The following CNGB3 variants were observed in gnomAD, a reference collection of about 807,000 sequenced individuals.
CNGB3 encodes cyclic nucleotide gated channel subunit beta 3, also known as cyclic nucleotide-gated channel beta-3.
CNGB3 carries 86 observed loss-of-function variants against 92.8 expected under a neutral mutation model. The observed-to-expected ratio is 0.93, with a 90% CI of 0.78 to 1.11. CNGB3 has a LOEUF of 1.11. CNGB3 is among the 50% of genes least tolerant of loss of function. The probability of loss-of-function intolerance (pLI) is 0.00; values close to 1 mark genes in which losing one functional copy is unlikely to be tolerated. For missense variants in CNGB3, 1,026 were observed against 956.8 expected (o/e 1.07, Z -0.95); for synonymous variants, 333 against 332.7 (o/e 1.00, Z -0.01).
At chr8:86,708,563 A>AT (rs10714055) in intron 3 of CNGB3, among the ~76,000 whole-genome samples, 952 of 85,890 alleles carry the variant, frequency 0.011, 22 homozygotes, top group Non-Finnish European at 0.016. Flanking sequence ...TCTTTTCTTA[A>AT]TTTTTTTTTT....
At chr8:86,696,765 C>T (rs993296268) in intron 3 of CNGB3, among the ~76,000 whole-genome samples, 1 of 152,152 alleles carries the variant, frequency 6.6e-6, no homozygotes, top group Admixed American at 6.6e-5. Context: ...TTTTTAATGG[C>T]ATGGCATATC....
chr8:86,681,100 T>C (rs1240103872), intron 3 of CNGB3, among the ~76,000 whole-genome samples: 1 of 152,086 alleles, frequency 6.6e-6, no homozygotes, highest in Non-Finnish European at 1.5e-5. Flanking sequence ...AAATCACTAC[T>C]ATGAGAAGCA....
At chr8:86,657,718 G>A (rs376252795) in intron 6 of CNGB3, 30 of 471,624 alleles carry the variant, frequency 6.4e-5, no homozygotes, top group East Asian at 2.9e-4. Context: ...CCCACAAGCC[G>A]CAACACCAGC....
In CNGB3 at chr8:86,668,164, C is replaced by A. The variant is rs1563747899; in HGVS notation, c.498G>T (p.Lys166Asn). ...CTTTTACTGGTGGTACAGCCGTGGGCTTTGCTTCATAGGGAAAAAAAAAAA... is the reference window on the plus strand; with the variant it reads ...CTTTTACTGGTGGTACAGCCGTGGGATTTGCTTCATAGGGAAAAAAAAAAA... ...SSPEASPQTA[K>N]PTAVPPVKES... The change falls in exon 5 of 18, where the codon AAG (lysine) becomes AAT (asparagine). Residue 166 changes from lysine (K) to asparagine (N), a missense_variant. Transcript: ENST00000320005. 6.2e-7 allele frequency: 1 copy of A among 1,608,764 alleles called. No homozygotes were observed. Among genetic ancestry groups the A allele is most frequent in the East Asian group, 2.2e-5 (1 of 44,490 alleles).
intron 3 of CNGB3, among the ~76,000 whole-genome samples, chr8:86,682,376 A>AATGTTC (rs1183448386): frequency 1.3e-5 from 2 of 152,182 alleles, no homozygotes; most frequent in African/African-American, 4.8e-5. Flanking sequence ...GGGGTGGATG[A>AATGTTC]ATATCTTGGC....
chr8:86,741,774 C>A (rs558892370), intron 1 of CNGB3, among the ~76,000 whole-genome samples: 2 of 152,240 alleles, frequency 1.3e-5, no homozygotes, highest in African/African-American at 4.8e-5. Context: ...GGGTGCTCTA[C>A]CTGTGCCTAA....
chr8:86,702,767 G>A (rs1032720231), intron 3 of CNGB3, among the ~76,000 whole-genome samples: 1 of 151,634 alleles, frequency 6.6e-6, no homozygotes, highest in Non-Finnish European at 1.5e-5. Context: ...GTGAATTTTT[G>A]GTTTTGGAGT....
intron 3 of CNGB3, among the ~76,000 whole-genome samples, chr8:86,696,453 C>G (rs552377241): frequency 7.9e-5 from 12 of 152,280 alleles, no homozygotes; most frequent in African/African-American, 2.9e-4. Context: ...TTTTTGGCAT[C>G]TGCAGTGACA....
chr8:86,694,679 C>T (rs976842191), intron 3 of CNGB3, among the ~76,000 whole-genome samples: 3 of 151,020 alleles, frequency 2.0e-5, no homozygotes. Context: ...GGGGTAGAGG[C>T]GCTCCCCACA....
chr8:86,593,817 C>G (rs1442878587), intron 15 of CNGB3: 2 of 1,232,438 alleles, frequency 1.6e-6, no homozygotes, highest in Non-Finnish European at 2.3e-6. Flanking sequence ...TTGTCCACAT[C>G]TGTCAGGTCA....
At chr8:86,681,470 G>A (rs1301527852) in intron 3 of CNGB3, among the ~76,000 whole-genome samples, 2 of 152,078 alleles carry the variant, frequency 1.3e-5, no homozygotes, top group African/African-American at 4.8e-5. Context: ...AAAAGCATAT[G>A]GAGAATAGAT....
chr8:86,722,305 T>A (rs1378799220), intron 3 of CNGB3, among the ~76,000 whole-genome samples: 5 of 152,158 alleles, frequency 3.3e-5, no homozygotes, highest in Non-Finnish European at 5.9e-5. Context: ...AAGGCTGGAC[T>A]GAGATAAAGT....
chr8:86,664,562 T>G (rs906268570), intron 6 of CNGB3, among the ~76,000 whole-genome samples: 1 of 152,222 alleles, frequency 6.6e-6, no homozygotes, highest in Non-Finnish European at 1.5e-5. Flanking sequence ...CTTGGGTTTG[T>G]GCTTGTGAAA....
At chr8:86,715,901 A>G (rs554623430) in intron 3 of CNGB3, among the ~76,000 whole-genome samples, 2 of 151,658 alleles carry the variant, frequency 1.3e-5, no homozygotes, top group East Asian at 3.9e-4. Flanking sequence ...GGTGCAGCAC[A>G]CCAGCATGGC....
In CNGB3 at chr8:86,644,687, C is replaced by T; in HGVS notation, c.991-1G>A. Reference sequence around the variant, plus strand: ...GATTAAATTCAAAAAATGAAGTGTACTATATAGAAAAGCAAAAGAAATCCA... The same window carrying T: ...GATTAAATTCAAAAAATGAAGTGTATTATATAGAAAAGCAAAAGAAATCCA... On this transcript the variant is annotated splice_acceptor_variant, in intron 8 of 17. Transcript: ENST00000320005. LOFTEE classifies it high-confidence loss of function. 1.3e-6 allele frequency: 2 copies of T among 1,554,620 alleles called. No homozygotes were observed. The highest frequency in any genetic ancestry group is 1.7e-6 in the Non-Finnish European group (2 of 1,146,842).
At position 86,575,775 on chromosome 8, in the gene CNGB3, C is replaced by T; in HGVS notation, c.*29G>A. ...TAGGTACAATCACTTTGGGAACTAG[C>T]TATATCACATCTAAAGATAATCAAA... On this transcript the variant is annotated 3_prime_UTR_variant, in exon 18 of 18. Coordinates refer to ENST00000320005, the MANE Select transcript of CNGB3 (RefSeq NM_019098.5). 1 of 1,583,132 alleles carries T rather than the reference C, an allele frequency of 6.3e-7. No homozygotes were observed. The highest frequency in any genetic ancestry group is 8.7e-7 in the Non-Finnish European group (1 of 1,152,268).
chr8:86,627,665 A>G (rs1822874337), intron 12 of CNGB3, among the ~76,000 whole-genome samples: 1 of 152,222 alleles, frequency 6.6e-6, no homozygotes, highest in African/African-American at 2.4e-5. Context: ...CTTATTTTAT[A>G]TCCCTCAGTA....
At position 86,578,133 on chromosome 8, in the gene CNGB3, T is replaced by A. The variant is rs144762497; in HGVS notation, c.2103+556A>T. ...ACCGTGTTAGTCAGAATGGTCTCGA[T>A]CTCCTGCCCTCGTGATCCGCCCGCC... On this transcript the variant is annotated intron_variant, in intron 17 of 17. Coordinates refer to ENST00000320005, the MANE Select transcript of CNGB3 (RefSeq NM_019098.5). Among the ~76,000 whole-genome samples the A allele has an allele frequency of 2.5e-3, 385 of 152,158 alleles. 2 individuals carry two copies. The highest frequency in any genetic ancestry group is 8.8e-3 in the African/African-American group (364 of 41,526).
intron 15 of CNGB3, among the ~76,000 whole-genome samples, chr8:86,591,542 T>C (rs916065485): frequency 9.3e-5 from 14 of 150,762 alleles, no homozygotes; most frequent in Non-Finnish European, 2.1e-4. Context: ...TTCTGTTTGT[T>C]AGTTTTCCTT....
Sources: allele counts gnomAD v4.1 joint callset (sites outside exome capture counted in the v4.1 genomes callset), GRCh38; gene constraint gnomAD v4.1.1; transcripts MANE v1.5; gene names NCBI Gene and HGNC (gene_info 2026-07-23, HGNC 2026-07-21).